The following XKR6 variants were observed in gnomAD, a reference collection of about 807,000 sequenced individuals.
The protein encoded by XKR6 is XK-related protein 6.
Under a neutral mutation model 56.7 loss-of-function variants are expected in XKR6, and 22 were observed. The observed-to-expected ratio is 0.39, with a 90% CI of 0.28 to 0.55. The LOEUF is 0.55. XKR6 is among the 20% of genes least tolerant of loss of function. The probability of loss-of-function intolerance (pLI) is 0.66; values close to 1 mark genes in which losing one functional copy is unlikely to be tolerated. For synonymous variants in XKR6, 524 were observed against 387.8 expected (o/e 1.35, Z -4.13); for missense variants, 852 against 889.0 (o/e 0.96, Z 0.53).
intron 1 of XKR6, among the ~76,000 whole-genome samples, chr8:11,116,731 A>T (rs948074683): frequency 6.6e-6 from 1 of 152,074 alleles, no homozygotes; most frequent in Non-Finnish European, 1.5e-5. Flanking sequence ...TCGCCTCCCG[A>T]ACTCAGATGT....
intron 1 of XKR6, among the ~76,000 whole-genome samples, chr8:11,151,963 C>T (rs114896630): frequency 0.012 from 1,755 of 152,202 alleles, 34 homozygotes; most frequent in African/African-American, 0.039. Context: ...AAACTGAAGA[C>T]TGAATACTAC....
chr8:11,045,324 G>A (rs910907440), intron 1 of XKR6, among the ~76,000 whole-genome samples: 2 of 151,940 alleles, frequency 1.3e-5, no homozygotes, highest in African/African-American at 4.8e-5. Flanking sequence ...CTAACCTCAA[G>A]TGATCTACCC....
intron 1 of XKR6, chr8:11,002,397 C>T (rs560577132): frequency 7.8e-6 from 3 of 383,000 alleles, no homozygotes; most frequent in African/African-American, 2.1e-5. Context: ...CCCAGCAGTT[C>T]TGTTGGCCTG....
chr8:11,058,294 T>C (rs1417523901), intron 1 of XKR6, among the ~76,000 whole-genome samples: 1 of 152,194 alleles, frequency 6.6e-6, no homozygotes, highest in Non-Finnish European at 1.5e-5. Context: ...GTACCAGAAA[T>C]GCCATTTGAC....
Position 11,119,326 on chromosome 8 carries a change from C to A in XKR6, c.764+81250G>T, listed in dbSNP as rs149558466. ...GAGTTCTGTAGATGTCTATTAGGTC[C>A]GCTTGGTGCAGAGTTGAGTTCAATT... On this transcript the variant is annotated intron_variant, in intron 1 of 2. Coordinates refer to ENST00000416569, the MANE Select transcript of XKR6 (RefSeq NM_173683.4). 2.5e-3 allele frequency among the ~76,000 whole-genome samples: 375 copies of A among 152,174 alleles called. 2 individuals carry two copies. Among genetic ancestry groups the A allele is most frequent in the Middle Eastern group, 6.8e-3 (2 of 294 alleles).
intron 1 of XKR6, among the ~76,000 whole-genome samples, chr8:11,131,855 G>A (rs897162113): frequency 6.6e-6 from 1 of 152,298 alleles, no homozygotes; most frequent in Admixed American, 6.5e-5. Flanking sequence ...AGAGCAACAG[G>A]CTATACCAGA....
chr8:11,183,850 G>C (rs113016020), intron 1 of XKR6, among the ~76,000 whole-genome samples: 5 of 152,086 alleles, frequency 3.3e-5, no homozygotes, highest in Admixed American at 6.6e-5. Context: ...ACAGCATAAG[G>C]GTTATAACAT....
At chr8:11,047,807 G>A (rs1799447364) in intron 1 of XKR6, among the ~76,000 whole-genome samples, 1 of 152,114 alleles carries the variant, frequency 6.6e-6, no homozygotes. Flanking sequence ...AAAAAAATTG[G>A]CCTTAACAAC....
chr8:11,010,776 CTT>C (rs79200947), intron 1 of XKR6, among the ~76,000 whole-genome samples: 2 of 146,964 alleles, frequency 1.4e-5, no homozygotes, highest in Non-Finnish European at 3.0e-5. Flanking sequence ...CCCTCCCCAC[CTT>C]TTTTTTTTTT....
chr8:10,997,603 T>C (rs1355310465), intron 1 of XKR6, among the ~76,000 whole-genome samples: 1 of 152,128 alleles, frequency 6.6e-6, no homozygotes, highest in East Asian at 1.9e-4. Context: ...GGGGAGAGAA[T>C]GTGCCAGGGC....
chr8:10,989,110 G>T (rs1040895977), intron 1 of XKR6, among the ~76,000 whole-genome samples: 2 of 152,234 alleles, frequency 1.3e-5, no homozygotes, highest in Admixed American at 1.3e-4. Flanking sequence ...GATGTCTGCA[G>T]CCTAGGAAGG....
intron 1 of XKR6, among the ~76,000 whole-genome samples, chr8:10,991,305 G>T (rs11996033): frequency 0.11 from 16,428 of 152,086 alleles, 1,072 homozygotes; most frequent in African/African-American, 0.17. Flanking sequence ...GAGCTGTCCA[G>T]GGTCACAATC....
intron 1 of XKR6, among the ~76,000 whole-genome samples, chr8:11,092,029 C>G (rs28449874): frequency 0.023 from 3,459 of 152,224 alleles, 123 homozygotes; most frequent in African/African-American, 0.08. Flanking sequence ...GTGTAACACA[C>G]CCACTGGGGT....
intron 1 of XKR6, among the ~76,000 whole-genome samples, chr8:10,927,455 G>T (rs1307472603): frequency 6.6e-6 from 1 of 152,138 alleles, no homozygotes. Flanking sequence ...TGGTCTCAGG[G>T]GTACTCAGAC....
At chr8:11,194,762 T>A in intron 1 of XKR6, 1 of 232,906 alleles carries the variant, frequency 4.3e-6, no homozygotes. Context: ...AATAAGTCTA[T>A]AGTATCAAAT....
intron 1 of XKR6, among the ~76,000 whole-genome samples, chr8:11,155,378 A>G (rs1445414133): frequency 6.6e-6 from 1 of 152,212 alleles, no homozygotes; most frequent in Non-Finnish European, 1.5e-5. Context: ...ATGACCAAAG[A>G]CTTTATAATG....
intron 1 of XKR6, among the ~76,000 whole-genome samples, chr8:11,075,340 T>A (rs1441406257): frequency 6.6e-6 from 1 of 152,224 alleles, no homozygotes. Flanking sequence ...TATGTCCAAG[T>A]CAGTCTCTCT....
At chr8:11,196,525 T>G (rs981369024) in intron 1 of XKR6, among the ~76,000 whole-genome samples, 4 of 152,200 alleles carry the variant, frequency 2.6e-5, no homozygotes, top group African/African-American at 9.7e-5. Flanking sequence ...TTTTAGACAC[T>G]CATGCTTCCA....
intron 1 of XKR6, chr8:11,128,900 C>G: frequency 2.2e-6 from 1 of 456,818 alleles, no homozygotes; most frequent in Non-Finnish European, 4.4e-6. Context: ...TCACTGCTAA[C>G]TGATTTCCTT....
Sources: allele counts gnomAD v4.1 joint callset (sites outside exome capture counted in the v4.1 genomes callset), GRCh38; gene constraint gnomAD v4.1.1; transcripts MANE v1.5; gene names NCBI Gene and HGNC (gene_info 2026-07-23, HGNC 2026-07-21).